PLXNA4: variants seen among roughly 807,000 people sequenced by gnomAD.
The protein encoded by PLXNA4 is plexin-A4.
In PLXNA4, 44 loss-of-function variants were observed where a neutral mutation model predicts 191.8. The ratio of observed to expected loss-of-function variants is 0.23; its 90% CI spans 0.18 to 0.29. PLXNA4 has a LOEUF of 0.29. Ranked by LOEUF, PLXNA4 falls within the 10% of genes least tolerant of loss-of-function variation. The pLI is 1.00. For missense variants in PLXNA4, 1,800 were observed against 2,488.8 expected (o/e 0.72, Z 5.89); for synonymous variants, 1,082 against 1,009.5 (o/e 1.07, Z -1.36).
chr7:132,162,159 C>T (rs543730566), intron 24 of PLXNA4, among the ~76,000 whole-genome samples: 1 of 152,380 alleles, frequency 6.6e-6, no homozygotes, highest in East Asian at 1.9e-4. Context: ...TCTGCACGCC[C>T]TGTGTGCTGC....
At position 132,628,374 on chromosome 7, in the gene PLXNA4, C is replaced by T. The variant is rs539324461; in HGVS notation, c.-87+17554G>A. On this transcript the variant is annotated intron_variant, in intron 2 of 4. Transcript: ENST00000378539. ...TCGCTCTCTCTCTCTCTCTGTTTCT[C>T]TCTCTCTCTCTTTTTCTCTCAGCTT... 6.5e-4 allele frequency among the ~76,000 whole-genome samples: 99 copies of T among 151,604 alleles called. 1 individual carries two copies. Among genetic ancestry groups the T allele is most frequent in the African/African-American group, 2.3e-3 (93 of 41,056 alleles).
At chr7:132,353,463 T>TAC (rs1563052727) in intron 3 of PLXNA4, among the ~76,000 whole-genome samples, 1 of 151,884 alleles carries the variant, frequency 6.6e-6, no homozygotes, top group African/African-American at 2.4e-5. Context: ...TATATATATA[T>TAC]GTTGGAAAAG....
rs1269299858 is a variant in PLXNA4 at position 132,140,707 on chromosome 7, G to A, written c.5330C>T (p.Thr1777Ile). ...TGACGTGGAGCAAGAGTCCATGAAGGTCTGAGCCACCACAGAGAGGCAGGC... is the reference window on the plus strand; with the variant it reads ...TGACGTGGAGCAAGAGTCCATGAAGATCTGAGCCACCACAGAGAGGCAGGC... ...TDACLSVVAQTFMDSCSTSEH... is the reference protein window; with the variant it reads ...TDACLSVVAQIFMDSCSTSEH... Residue 1777 changes from threonine (T) to isoleucine (I), a missense_variant, in exon 30 of 32, where the codon ACC (threonine) becomes ATC (isoleucine). By Grantham distance (89) the Thr-to-Ile change is moderately conservative. Coordinates refer to ENST00000321063, the MANE Select transcript of PLXNA4 (RefSeq NM_020911.2). 6.2e-7 allele frequency: 1 copy of A among 1,614,134 alleles called. No individual in the cohort carries two copies. The highest frequency in any genetic ancestry group is 1.3e-5 in the African/African-American group (1 of 75,030).
At chr7:132,150,277 A>T (rs1422806265) in intron 25 of PLXNA4, among the ~76,000 whole-genome samples, 2 of 152,082 alleles carry the variant, frequency 1.3e-5, no homozygotes, top group African/African-American at 4.8e-5. Flanking sequence ...TTTTTTCTTC[A>T]GTTTTTTTGT....
At chr7:132,341,964 A>G (rs1424591) in intron 3 of PLXNA4, among the ~76,000 whole-genome samples, 14,875 of 151,992 alleles carry the variant, frequency 0.098, 960 homozygotes, top group Admixed American at 0.21. Flanking sequence ...TGGGATTCCA[A>G]CATGCTTTTG....
chr7:132,469,649 G>A (rs1255343827), intron 3 of PLXNA4, among the ~76,000 whole-genome samples: 1 of 152,174 alleles, frequency 6.6e-6, no homozygotes, highest in Non-Finnish European at 1.5e-5. Context: ...AGTAGCCCAT[G>A]GGTCTTCATT....
intron 2 of PLXNA4, among the ~76,000 whole-genome samples, chr7:132,629,038 T>C (rs1433840139): frequency 6.6e-6 from 1 of 152,266 alleles, no homozygotes; most frequent in African/African-American, 2.4e-5. Context: ...TCTTTTCTGC[T>C]AGTTGATCTC....
chr7:132,151,468 GAGA>G (rs1353590602), intron 25 of PLXNA4, among the ~76,000 whole-genome samples: 3 of 97,662 alleles, frequency 3.1e-5, no homozygotes, highest in East Asian at 3.2e-4. Flanking sequence ...GGAGGAGGAG[GAGA>G]AAGGAGGAGG....
intron 3 of PLXNA4, chr7:132,385,006 G>T: frequency 1.4e-6 from 2 of 1,403,196 alleles, no homozygotes; most frequent in Non-Finnish European, 1.9e-6. Flanking sequence ...CAACTACCTA[G>T]CCAAGCTAAG....
intron 3 of PLXNA4, among the ~76,000 whole-genome samples, chr7:132,428,045 C>A (rs750980740): frequency 6.6e-6 from 1 of 152,138 alleles, no homozygotes; most frequent in Non-Finnish European, 1.5e-5. Flanking sequence ...GGGAGGACAT[C>A]GGCACAGACA....
Position 132,125,840 on chromosome 7 carries a change from C to A in PLXNA4, c.*4639G>T, listed in dbSNP as rs1287426952. The A allele has an allele frequency of 5.9e-5, 9 of 152,186 alleles. No individual in the cohort carries two copies. The highest frequency in any genetic ancestry group is 1.3e-4 in the Non-Finnish European group (9 of 68,128). The allele number at this position is 152,186 out of a possible 1,614,324, so 9.4% of individuals were successfully genotyped here. ...AGGTGACTCAGTCATGGAAAGACCC[C>A]TTGAAGGCCTTGAAGAGCTGGCTGG... is the stretch of plus-strand genomic sequence containing the variant. On this transcript the variant is annotated 3_prime_UTR_variant, in exon 32 of 32. Transcript: ENST00000321063.
intron 3 of PLXNA4, among the ~76,000 whole-genome samples, chr7:132,393,201 C>G (rs1336064278): frequency 9.0e-6 from 1 of 111,588 alleles, no homozygotes; most frequent in Admixed American, 1.1e-4. Flanking sequence ...CCCCCCCCCA[C>G]CACCACCACC....
At chr7:132,195,009 A>T (rs935309206) in intron 13 of PLXNA4, among the ~76,000 whole-genome samples, 14 of 152,018 alleles carry the variant, frequency 9.2e-5, no homozygotes, top group Non-Finnish European at 1.9e-4. Context: ...GGGCAAAGAA[A>T]AGTTAGGCAA....
chr7:132,514,514 A>AG (rs1160000487), intron 1 of PLXNA4, among the ~76,000 whole-genome samples: 4 of 152,072 alleles, frequency 2.6e-5, no homozygotes, highest in African/African-American at 9.7e-5. Flanking sequence ...AGTTTCTGGG[A>AG]GGGTGTCTTG....
At chr7:132,318,661 CT>C (rs56179808) in intron 3 of PLXNA4, among the ~76,000 whole-genome samples, 3,458 of 109,876 alleles carry the variant, frequency 0.031, 145 homozygotes, top group African/African-American at 0.11. Flanking sequence ...ACGCACTTTG[CT>C]TTTTTTTTTT....
Position 132,451,818 on chromosome 7 carries a change from G to A in PLXNA4, c.1371+37474C>T, listed in dbSNP as rs545963474. On this transcript the variant is annotated intron_variant, in intron 3 of 31. Coordinates refer to ENST00000321063, the MANE Select transcript of PLXNA4 (RefSeq NM_020911.2). ...AGTGGCCCAGGAGTGATTGGCACAG[G>A]GATGGGATGGGGCTGTGTGGGAAGG... Among the ~76,000 whole-genome samples the A allele has an allele frequency of 2.8e-4, 42 of 152,358 alleles. No homozygotes were observed. In the South Asian group the frequency reaches 8.1e-3, roughly 29 times the overall value.
intron 2 of PLXNA4, among the ~76,000 whole-genome samples, chr7:132,641,670 C>G (rs1173577310): frequency 1.3e-5 from 2 of 152,148 alleles, no homozygotes; most frequent in Non-Finnish European, 2.9e-5. Flanking sequence ...TTGCTAGCAT[C>G]AAATTGATAC....
intron 2 of PLXNA4, among the ~76,000 whole-genome samples, chr7:132,502,932 A>ATAATAGTTT (rs1194642570): frequency 6.6e-6 from 1 of 152,144 alleles, no homozygotes; most frequent in African/African-American, 2.4e-5. Context: ...GTGATGCTGG[A>ATAATAGTTT]TAATAGTTTC....
chr7:132,631,772 T>C (rs906771515), intron 2 of PLXNA4, among the ~76,000 whole-genome samples: 1 of 152,184 alleles, frequency 6.6e-6, no homozygotes. Context: ...ATGCTACATG[T>C]CCAAGCCAAT....
Sources: allele counts gnomAD v4.1 joint callset (sites outside exome capture counted in the v4.1 genomes callset), GRCh38; gene constraint gnomAD v4.1.1; transcripts MANE v1.5; gene names NCBI Gene and HGNC (gene_info 2026-07-23, HGNC 2026-07-21).